Variants in UST observed in about 807,000 individuals in gnomAD.
UST encodes the protein chondroitin sulfate 2-O-sulfotransferase.
Under a neutral mutation model 45.6 loss-of-function variants are expected in UST, and 21 were observed. That is an observed-to-expected ratio of 0.46 (90% CI 0.33 to 0.66). The LOEUF is 0.66. UST is among the 30% of genes least tolerant of loss of function. The probability of loss-of-function intolerance (pLI) is 0.02; values close to 1 mark genes in which losing one functional copy is unlikely to be tolerated. For synonymous variants in UST, 215 were observed against 200.6 expected (o/e 1.07, Z -0.61); for missense variants, 463 against 512.4 (o/e 0.90, Z 0.93).
intron 3 of UST, among the ~76,000 whole-genome samples, chr6:148,944,974 T>G (rs1364238465): frequency 6.6e-6 from 1 of 152,262 alleles, no homozygotes; most frequent in African/African-American, 2.4e-5. Context: ...ACCATCTTTC[T>G]GAGCATTGCT....
intron 2 of UST, among the ~76,000 whole-genome samples, chr6:148,897,997 A>G (rs915455589): frequency 1.8e-4 from 27 of 151,736 alleles, no homozygotes; most frequent in African/African-American, 6.3e-4. Context: ...GACTTTACCA[A>G]AAGTCCTTTA....
intron 2 of UST, among the ~76,000 whole-genome samples, chr6:148,906,472 A>T (rs1165898950): frequency 2.0e-5 from 3 of 152,234 alleles, no homozygotes; most frequent in Non-Finnish European, 4.4e-5. Context: ...CTTAATGGAC[A>T]AGGTATGAGG....
At chr6:149,002,893 A>G in intron 5 of UST, among the ~76,000 whole-genome samples, 1 of 152,360 alleles carries the variant, frequency 6.6e-6, no homozygotes, top group East Asian at 1.9e-4. Flanking sequence ...ATTCTATATA[A>G]GTATTAGCAT....
At chr6:149,019,523 A>C (rs1582962389) in intron 6 of UST, among the ~76,000 whole-genome samples, 1 of 152,190 alleles carries the variant, frequency 6.6e-6, no homozygotes, top group Non-Finnish European at 1.5e-5. Context: ...GTCACTACTC[A>C]TCCCATGTTG....
rs114765356 is a variant in UST at position 148,819,454 on chromosome 6, C to T, written c.248-67532C>T. Among the ~76,000 whole-genome samples the T allele has an allele frequency of 9.9e-3, 1,502 of 152,266 alleles. 23 individuals carry two copies. The highest frequency in any genetic ancestry group is 0.034 in the African/African-American group (1,416 of 41,542). Reference sequence around the variant, plus strand: ...AAGTAATCACGACTGTGACTCGAATCGGACTGGAAAATCTATTGACTTAGA... The same window carrying T: ...AAGTAATCACGACTGTGACTCGAATTGGACTGGAAAATCTATTGACTTAGA... On this transcript the variant is annotated intron_variant, in intron 1 of 7. Coordinates refer to ENST00000367463, the MANE Select transcript of UST (RefSeq NM_005715.3).
At chr6:148,794,156 A>T (rs1776904306) in intron 1 of UST, among the ~76,000 whole-genome samples, 2 of 152,186 alleles carry the variant, frequency 1.3e-5, no homozygotes, top group South Asian at 2.1e-4. Context: ...GAATTATTTG[A>T]TGCTGTCATA....
intron 1 of UST, among the ~76,000 whole-genome samples, chr6:148,766,596 G>T (rs1776329479): frequency 6.6e-6 from 1 of 152,214 alleles, no homozygotes; most frequent in Non-Finnish European, 1.5e-5. Context: ...TGAACAGGGG[G>T]AGTTAAAAGA....
chr6:149,053,529 A>G (rs935826768), intron 7 of UST, among the ~76,000 whole-genome samples: 3 of 152,280 alleles, frequency 2.0e-5, no homozygotes, highest in Admixed American at 1.3e-4. Context: ...TTCTATGACA[A>G]TTATGGATAT....
At chr6:148,928,139 T>C (rs80238958) in intron 2 of UST, among the ~76,000 whole-genome samples, 4,081 of 152,268 alleles carry the variant, frequency 0.027, 177 homozygotes, top group African/African-American at 0.092. Context: ...TTTTTTTTTT[T>C]TCACTCTATT....
chr6:148,784,832 C>CT (rs1562256786), intron 1 of UST, among the ~76,000 whole-genome samples: 2 of 152,196 alleles, frequency 1.3e-5, no homozygotes, highest in Non-Finnish European at 2.9e-5. Flanking sequence ...TTTGAAATGT[C>CT]TTATCAGTGG....
At position 149,020,884 on chromosome 6, in the gene UST, C is replaced by T. The variant is rs140245431; in HGVS notation, c.780-440C>T. Among the ~76,000 whole-genome samples the T allele has an allele frequency of 7.5e-3, 1,146 of 152,326 alleles. 15 individuals carry two copies. The highest frequency in any genetic ancestry group is 0.026 in the African/African-American group (1,097 of 41,566). On this transcript the variant is annotated intron_variant, in intron 6 of 7. Coordinates refer to ENST00000367463, the MANE Select transcript of UST (RefSeq NM_005715.3). ...AAGATGATTAATAGGCATGACCTGA[C>T]AGCTCTTTTGAGTTCTACATAAATA...
chr6:148,871,092 G>T (rs1046870542), intron 1 of UST, among the ~76,000 whole-genome samples: 2 of 123,708 alleles, frequency 1.6e-5, no homozygotes, highest in African/African-American at 3.6e-5. Context: ...TTATAAGGAC[G>T]AAGGAGACAG....
intron 7 of UST, among the ~76,000 whole-genome samples, chr6:149,032,263 C>G (rs1021462199): frequency 6.6e-6 from 1 of 152,174 alleles, no homozygotes; most frequent in African/African-American, 2.4e-5. Flanking sequence ...CCCAAGCTCC[C>G]TGGCTTCCTA....
chr6:148,758,014 G>C (rs974639449), intron 1 of UST, among the ~76,000 whole-genome samples: 1 of 152,156 alleles, frequency 6.6e-6, no homozygotes, highest in Non-Finnish European at 1.5e-5. Context: ...CTAACCCAAG[G>C]CCTGACATTT....
intron 1 of UST, among the ~76,000 whole-genome samples, chr6:148,827,965 C>G (rs759676743): frequency 1.9e-4 from 29 of 151,836 alleles, no homozygotes; most frequent in Non-Finnish European, 3.1e-4. Context: ...AATCTATTTT[C>G]ATTTGTTCTT....
At position 149,074,079 on chromosome 6, in the gene UST, A is replaced by G. The variant is rs1379737747; in HGVS notation, c.1184A>G (p.Asp395Gly). The G allele has an allele frequency of 1.9e-6, 3 of 1,614,220 alleles. No individual in the cohort carries two copies. The Admixed American group carries it at 5.0e-5, about 27-fold the overall frequency. Residue 395 changes from aspartate to glycine, a missense_variant, in exon 8 of 8, where the codon GAT becomes GGT. Coordinates refer to ENST00000367463, the MANE Select transcript of UST (RefSeq NM_005715.3). ...TEEPIDDEEQDDEKWLEDIYK... is the reference protein window; with the variant it reads ...TEEPIDDEEQGDEKWLEDIYK... ...GAGCCAATCGACGATGAAGAACAGGATGATGAAAAGTGGCTGGAAGATATT... is the reference window on the plus strand; with the variant it reads ...GAGCCAATCGACGATGAAGAACAGGGTGATGAAAAGTGGCTGGAAGATATT...
intron 6 of UST, 146 bp from the exon 7 acceptor site, chr6:149,021,178 G>T: frequency 1.2e-6 from 1 of 812,066 alleles, no homozygotes; most frequent in Non-Finnish European, 1.9e-6. Flanking sequence ...GGCCCTGGAT[G>T]GGGCTACATC....
At chr6:148,921,355 G>A (rs1044506517) in intron 2 of UST, among the ~76,000 whole-genome samples, 6 of 152,174 alleles carry the variant, frequency 3.9e-5, no homozygotes, top group African/African-American at 1.4e-4. Context: ...CAGGAGAATC[G>A]CCCAGAGATG....
At chr6:148,924,174 C>T (rs1211302040) in intron 2 of UST, among the ~76,000 whole-genome samples, 1 of 152,174 alleles carries the variant, frequency 6.6e-6, no homozygotes, top group Non-Finnish European at 1.5e-5. Flanking sequence ...TATTTTACCT[C>T]CCACAAGCTA....
Sources: gnomAD v4.1 joint callset for allele counts (sites outside exome capture counted in the v4.1 genomes callset) on GRCh38, gnomAD v4.1.1 for gene constraint, MANE v1.5 for transcripts, NCBI Gene and HGNC (gene_info 2026-07-23, HGNC 2026-07-21) for gene names.